Variants in SYNDIG1 observed in about 807,000 individuals in gnomAD.
The protein encoded by SYNDIG1 is synapse differentiation inducing 1, also known as synapse differentiation-inducing gene protein 1.
Under a neutral mutation model 19.4 loss-of-function variants are expected in SYNDIG1, and 9 were observed. The ratio of observed to expected loss-of-function variants is 0.46; its 90% CI spans 0.28 to 0.81. The LOEUF is 0.81. Among genes scored for constraint, SYNDIG1 ranks in the 30% least tolerant of loss-of-function variants. The pLI, the probability that SYNDIG1 is intolerant of heterozygous loss-of-function variation, is 0.12. For synonymous variants in SYNDIG1, 141 were observed against 145.9 expected, an observed-to-expected ratio of 0.97 and a Z score of 0.24; for missense variants, 311 against 343.3, an observed-to-expected ratio of 0.91 and a Z score of 0.74.
In SYNDIG1 at chr20:24,594,983, T is replaced by G. The variant is rs376618392; in HGVS notation, c.618+9990T>G. ...CCAACAGAGATAGTTTGACTTCTCT[T>G]TCTATTTGGATGCCTTTTATTTCTT... On this transcript the variant is annotated intron_variant, in intron 3 of 3. Transcript: ENST00000376862. 1.6e-3 allele frequency among the ~76,000 whole-genome samples: 240 copies of G among 152,300 alleles called. 4 individuals are homozygous for G. In the South Asian group the frequency reaches 0.047, roughly 30 times the overall value.
chr20:24,525,183 GA>G (rs2057095534), intron 1 of SYNDIG1, among the ~76,000 whole-genome samples: 1 of 151,708 alleles, frequency 6.6e-6, no homozygotes, highest in South Asian at 2.1e-4. Context: ...GTTTCTAAAT[GA>G]ACGTGGTTTT....
chr20:24,552,741 G>T (rs1039965287), intron 2 of SYNDIG1, among the ~76,000 whole-genome samples: 5 of 152,114 alleles, frequency 3.3e-5, no homozygotes, highest in Admixed American at 3.3e-4. Flanking sequence ...CCAAGTCTTT[G>T]CTATTGTGAA....
At chr20:24,657,597 G>T (rs943211018) in intron 3 of SYNDIG1, among the ~76,000 whole-genome samples, 2 of 152,152 alleles carry the variant, frequency 1.3e-5, no homozygotes, top group African/African-American at 4.8e-5. Flanking sequence ...TATAAGGGTT[G>T]TTAAAAAGGC....
At chr20:24,477,255 G>T (rs2055655064) in intron 1 of SYNDIG1, among the ~76,000 whole-genome samples, 1 of 152,196 alleles carries the variant, frequency 6.6e-6, no homozygotes, top group Non-Finnish European at 1.5e-5. Context: ...GGGCTGCTTA[G>T]TGAGTGCTGG....
At chr20:24,619,454 C>T (rs1436684137) in intron 3 of SYNDIG1, among the ~76,000 whole-genome samples, 2 of 152,228 alleles carry the variant, frequency 1.3e-5, no homozygotes, top group Non-Finnish European at 2.9e-5. Flanking sequence ...TACAACACTA[C>T]TTCAGTCTTG....
intron 1 of SYNDIG1, among the ~76,000 whole-genome samples, chr20:24,527,506 C>T (rs917828576): frequency 7.2e-6 from 1 of 139,574 alleles, no homozygotes; most frequent in African/African-American, 2.8e-5. Flanking sequence ...TTCTTCTCTT[C>T]TCTTTTCTTT....
intron 1 of SYNDIG1, among the ~76,000 whole-genome samples, chr20:24,513,972 A>G (rs1409098910): frequency 6.6e-6 from 1 of 152,230 alleles, no homozygotes; most frequent in Non-Finnish European, 1.5e-5. Context: ...CCAATATTCA[A>G]CATTCTTTAA....
intron 1 of SYNDIG1, chr20:24,495,517 G>T (rs912638553): frequency 6.6e-6 from 1 of 152,322 alleles, no homozygotes; most frequent in Non-Finnish European, 1.5e-5. Flanking sequence ...CTGGGGCCAG[G>T]AGGGCGGCTG....
rs148352166 is a variant in SYNDIG1 at position 24,661,487 on chromosome 20, AGAAG to A, written c.619-3857_619-3854del. Among the ~76,000 whole-genome samples the A allele has an allele frequency of 5.9e-4, 8 of 13,470 alleles. 1 individual carries two copies. Among genetic ancestry groups the A allele is most frequent in the East Asian group, 6.2e-3 (2 of 324 alleles). 8.8% of individuals were successfully genotyped at this position (13,470 alleles called of 152,430 possible). The stretch of plus-strand genomic sequence containing the variant: ...GGAAGGAGGGAGGGAAGAGGGAGGA[AGAAG>A]GGAGGGAGGGAAGAGGGAGGAAGGA... On this transcript the variant is annotated intron_variant, in intron 3 of 3. Transcript: ENST00000376862.
chr20:24,547,851 A>G (rs562654221), intron 2 of SYNDIG1, among the ~76,000 whole-genome samples: 1 of 152,322 alleles, frequency 6.6e-6, no homozygotes, highest in African/African-American at 2.4e-5. Context: ...AATGAAGTGG[A>G]TGGAGTCCAG....
intron 2 of SYNDIG1, among the ~76,000 whole-genome samples, chr20:24,567,181 G>T (rs925520451): frequency 6.6e-6 from 1 of 152,150 alleles, no homozygotes; most frequent in Admixed American, 6.5e-5. Flanking sequence ...TAAAAAGGAA[G>T]AAAAGGAGGA....
At chr20:24,663,637 C>T (rs2059623286) in intron 3 of SYNDIG1, among the ~76,000 whole-genome samples, 1 of 152,210 alleles carries the variant, frequency 6.6e-6, no homozygotes, top group Non-Finnish European at 1.5e-5. Context: ...GGCAACTATT[C>T]CGCAAGTGGG....
intron 3 of SYNDIG1, among the ~76,000 whole-genome samples, chr20:24,612,347 G>A (rs1336886497): frequency 6.6e-6 from 1 of 152,172 alleles, no homozygotes; most frequent in African/African-American, 2.4e-5. Context: ...CAGACATCAG[G>A]TGCCCCCGAG....
chr20:24,608,511 G>A (rs1348874005), intron 3 of SYNDIG1, among the ~76,000 whole-genome samples: 1 of 152,056 alleles, frequency 6.6e-6, no homozygotes, highest in Non-Finnish European at 1.5e-5. Flanking sequence ...TCCATCACCC[G>A]CCAACTGACC....
At chr20:24,556,530 G>T (rs1292697151) in intron 2 of SYNDIG1, among the ~76,000 whole-genome samples, 3 of 152,126 alleles carry the variant, frequency 2.0e-5, no homozygotes, top group African/African-American at 7.2e-5. Flanking sequence ...GCATTTGCTT[G>T]TCTGTAAAGT....
intron 1 of SYNDIG1, among the ~76,000 whole-genome samples, chr20:24,476,610 CA>C (rs1415364719): frequency 3.3e-5 from 5 of 151,386 alleles, no homozygotes; most frequent in Non-Finnish European, 7.4e-5. Flanking sequence ...GTGGAGCTTG[CA>C]GTGAGCCGAG....
chr20:24,571,659 AT>A (rs2058146179), intron 2 of SYNDIG1, among the ~76,000 whole-genome samples: 1 of 152,210 alleles, frequency 6.6e-6, no homozygotes, highest in Non-Finnish European at 1.5e-5. Flanking sequence ...AAAGCAGAAC[AT>A]TTTAGAACAG....
At chr20:24,481,446 G>C (rs2055794829) in intron 1 of SYNDIG1, among the ~76,000 whole-genome samples, 2 of 152,194 alleles carry the variant, frequency 1.3e-5, no homozygotes, top group Non-Finnish European at 2.9e-5. Context: ...TGTCAAGGGG[G>C]CCAGACTTCA....
chr20:24,623,239 T>C (rs1034141382), intron 3 of SYNDIG1, among the ~76,000 whole-genome samples: 1 of 151,668 alleles, frequency 6.6e-6, no homozygotes, highest in Non-Finnish European at 1.5e-5. Flanking sequence ...CTGTAATCTT[T>C]AAAGATCTGA....
Sources: allele counts gnomAD v4.1 joint callset (sites outside exome capture counted in the v4.1 genomes callset), GRCh38; gene constraint gnomAD v4.1.1; transcripts MANE v1.5; gene names NCBI Gene and HGNC (gene_info 2026-07-23, HGNC 2026-07-21).